Variants in MOB4 observed in about 807,000 individuals in gnomAD.
MOB4 encodes MOB family member 4, phocein, also known as MOB-like protein phocein.
A neutral mutation model predicts 32.2 loss-of-function variants in MOB4; 4 were observed. The ratio of observed to expected loss-of-function variants is 0.12; its 90% confidence interval spans 0.06 to 0.28. The LOEUF (loss-of-function observed/expected upper bound fraction) is 0.28, where lower values mean the gene tolerates loss of function less well. MOB4 is among the 10% of genes least tolerant of loss of function. The pLI is 1.00. For synonymous variants in MOB4, 88 were observed against 88.1 expected (o/e 1.00, Z 0.01); for missense variants, 158 against 271.2 (o/e 0.58, Z 2.93).
At chr2:197,546,606 C>T (rs548904176) in intron 5 of MOB4, among the ~76,000 whole-genome samples, 3 of 151,872 alleles carry the variant, frequency 2.0e-5, no homozygotes, top group African/African-American at 7.2e-5. Flanking sequence ...CCCTGTGTTG[C>T]CTAGGCTGGT....
intron 4 of MOB4, 89 bp from the exon 5 acceptor site, chr2:197,540,262 C>A (rs746146537): frequency 3.5e-5 from 52 of 1,480,642 alleles, no homozygotes; most frequent in Non-Finnish European, 4.3e-5. Flanking sequence ...TAACTTTCTT[C>A]TAGAATTTAT....
intron 1 of MOB4, 50 bp from the exon 2 acceptor site, chr2:197,523,574 A>C (rs1404118429): frequency 7.7e-6 from 12 of 1,559,760 alleles, no homozygotes; most frequent in Non-Finnish European, 9.6e-6. Context: ...AATTGAAGTT[A>C]ATCATAATAG....
In MOB4 at chr2:197,533,994, A is replaced by G; in HGVS notation, c.124-1536A>G. 5.9e-6 allele frequency: 3 copies of G among 509,454 alleles called. No individual in the cohort carries two copies. In the East Asian group the frequency reaches 1.4e-4, roughly 24 times the overall value. 31.6% of individuals were successfully genotyped at this position (509,454 alleles called of 1,614,324 possible). Reference sequence around the variant, plus strand: ...GAATTTTACATGAGATGGCACACATACTTAATATTGCATCAAGGTCACTAT... The same window carrying G: ...GAATTTTACATGAGATGGCACACATGCTTAATATTGCATCAAGGTCACTAT... On this transcript the variant is annotated intron_variant, in intron 2 of 7. Coordinates refer to ENST00000323303, the MANE Select transcript of MOB4 (RefSeq NM_015387.5).
intron 5 of MOB4, among the ~76,000 whole-genome samples, chr2:197,545,506 T>C (rs1029221447): frequency 2.6e-5 from 4 of 152,148 alleles, no homozygotes; most frequent in African/African-American, 9.7e-5. Context: ...TGGAATAATA[T>C]TCAGCCATGA....
chr2:197,532,053 C>T lies in MOB4; in HGVS notation c.124-3477C>T, dbSNP rs139477534. 2.3e-3 allele frequency among the ~76,000 whole-genome samples: 352 copies of T among 151,942 alleles called. 5 individuals are homozygous for T. The highest frequency in any genetic ancestry group is 8.1e-3 in the African/African-American group (337 of 41,438). ...GTCTCCCAGTAGCTGAGATTACAGGCGTGTGCTACCATGCCTGGCCAGTTT... is the reference window on the plus strand; with the variant it reads ...GTCTCCCAGTAGCTGAGATTACAGGTGTGTGCTACCATGCCTGGCCAGTTT... On this transcript the variant is annotated intron_variant, in intron 2 of 7. Transcript: ENST00000323303.
upstream of MOB4, chr2:197,516,040 C>G (rs775334224): frequency 2.6e-6 from 4 of 1,542,818 alleles, no homozygotes; most frequent in South Asian, 2.4e-5. Flanking sequence ...CGCAGGCTGC[C>G]GTCCCTACAT....
chr2:197,540,356 A>T lies in MOB4; in HGVS notation c.273A>T (p.Glu91Asp). The change falls in exon 5 of 8, where the codon GAA becomes GAT. Residue 91 changes from glutamate (E) to aspartate (D), a missense_variant. By Grantham distance (45) the Glu-to-Asp change is conservative. This residue lies in a region of MOB4 where 21 missense variants were observed against 19.8 expected (regional missense o/e 1.06). Transcript: ENST00000323303. ...AATATAATTATTTTTAACAGAGTGA[A>T]TGCCATCCAGATACTTGCACTCAAA... ...LNGLAVKLQS[E>D]CHPDTCTQMT... 1 of 1,575,188 alleles carries T rather than the reference A, an allele frequency of 6.3e-7. No homozygotes were observed. Among genetic ancestry groups the T allele is most frequent in the Non-Finnish European group, 8.6e-7 (1 of 1,166,430 alleles).
intron 5 of MOB4, among the ~76,000 whole-genome samples, chr2:197,543,803 A>G (rs192623563): frequency 8.9e-4 from 135 of 151,570 alleles, no homozygotes; most frequent in Admixed American, 2.4e-3. Flanking sequence ...CAGTGGCGCA[A>G]TCTCGGCTCA....
At chr2:197,524,630 A>T (rs1237711960) in intron 2 of MOB4, among the ~76,000 whole-genome samples, 1 of 151,910 alleles carries the variant, frequency 6.6e-6, no homozygotes, top group African/African-American at 2.4e-5. Context: ...ATATTGGATT[A>T]GGCATTGGTT....
chr2:197,549,461 T>G (rs533145831), intron 6 of MOB4, among the ~76,000 whole-genome samples: 1 of 152,314 alleles, frequency 6.6e-6, no homozygotes, highest in African/African-American at 2.4e-5. Context: ...TACTGACTTT[T>G]GACCTTAATA....
intron 1 of MOB4, 72 bp downstream of exon 1, chr2:197,516,218 C>G: frequency 1.3e-6 from 2 of 1,540,910 alleles, no homozygotes; most frequent in South Asian, 1.2e-5. Context: ...CTGGCCGCCA[C>G]TGCGGGGAGG....
chr2:197,516,044 C>T (rs1380826815), upstream of MOB4: 24 of 1,550,146 alleles, frequency 1.5e-5, no homozygotes, highest in East Asian at 5.3e-4. Context: ...GGCTGCCGTC[C>T]CTACATCCGG....
At chr2:197,532,920 G>C (rs1276068890) in intron 2 of MOB4, among the ~76,000 whole-genome samples, 1 of 152,056 alleles carries the variant, frequency 6.6e-6, no homozygotes, top group East Asian at 1.9e-4. Context: ...CCAACATGGT[G>C]AAACACCATC....
rs771111402 is a variant in MOB4, at chr2:197,540,073, A to G, written c.225-38A>G. 1.3e-5 allele frequency: 21 copies of G among 1,571,592 alleles called. No individual in the cohort carries two copies. In the South Asian group the frequency reaches 2.6e-4, roughly 19 times the overall value. Reference sequence around the variant, plus strand: ...AATATTCTAAAAATTGCTGTGAAGAATAGATATGACTTTTTATTTATGTAT... The same window carrying G: ...AATATTCTAAAAATTGCTGTGAAGAGTAGATATGACTTTTTATTTATGTAT... On this transcript the variant is annotated intron_variant, in intron 3 of 7. Coordinates refer to ENST00000323303, the MANE Select transcript of MOB4 (RefSeq NM_015387.5).
intron 1 of MOB4, among the ~76,000 whole-genome samples, chr2:197,517,048 A>G (rs927430701): frequency 1.3e-5 from 2 of 152,242 alleles, no homozygotes; most frequent in Admixed American, 1.3e-4. Context: ...AATTGAAACA[A>G]AACAATCGTG....
rs796685073 is a variant in MOB4, at chr2:197,519,943, A to G, written c.61-3681A>G. ...TTCTAGAAGATTGTTTTATTTCTTG[A>G]TATTTTCCTTTAATAAAATTAGTTC... On this transcript the variant is annotated intron_variant, in intron 1 of 7. Transcript: ENST00000323303. Among the ~76,000 whole-genome samples the G allele has an allele frequency of 3.9e-5, 6 of 152,270 alleles. No individual in the cohort carries two copies. In the South Asian group the frequency reaches 1.2e-3, roughly 32 times the overall value.
chr2:197,529,639 A>G (rs1394135245), intron 2 of MOB4, among the ~76,000 whole-genome samples: 2 of 151,996 alleles, frequency 1.3e-5, no homozygotes, highest in Non-Finnish European at 2.9e-5. Context: ...GGTGTGAGCC[A>G]CTGTGCCCGG....
chr2:197,515,907 C>T (rs769972917), upstream of MOB4: 6 of 603,666 alleles, frequency 9.9e-6, no homozygotes, highest in Non-Finnish European at 1.7e-5. Context: ...GGCTGTTCCT[C>T]GTTCGCCCTC....
At chr2:197,527,172 A>G (rs542768465) in intron 2 of MOB4, among the ~76,000 whole-genome samples, 62 of 152,238 alleles carry the variant, frequency 4.1e-4, no homozygotes, top group African/African-American at 1.4e-3. Flanking sequence ...TATCTGCAAA[A>G]AAAAGGGGGG....
Sources: gnomAD v4.1 joint callset for allele counts (sites outside exome capture counted in the v4.1 genomes callset) on GRCh38, gnomAD v4.1.1 for gene constraint, gnomAD v4.1.1 regional missense constraint, MANE v1.5 for transcripts, NCBI Gene and HGNC (gene_info 2026-07-23, HGNC 2026-07-21) for gene names.